The following KATNIP variants were observed in gnomAD, a reference collection of about 807,000 sequenced individuals.
KATNIP encodes katanin-interacting protein.
A neutral mutation model predicts 174.0 loss-of-function variants in KATNIP; 126 were observed. The observed-to-expected ratio is 0.72, with a 90% confidence interval of 0.63 to 0.84. The LOEUF (loss-of-function observed/expected upper bound fraction) is 0.84. Among genes scored for constraint, KATNIP ranks in the 40% least tolerant of loss-of-function variants. The pLI, the probability that KATNIP is intolerant of heterozygous loss-of-function variation, is 0.00. For synonymous variants in KATNIP, 810 were observed against 835.7 expected (o/e 0.97, Z 0.53); for missense variants, 1,958 against 2,109.7 (o/e 0.93, Z 1.41).
At chr16:27,682,401 C>T (rs964742951) in intron 8 of KATNIP, among the ~76,000 whole-genome samples, 5 of 152,168 alleles carry the variant, frequency 3.3e-5, no homozygotes, top group African/African-American at 1.2e-4. Context: ...GGCTTTGTAG[C>T]AGGGGCTACC....
intron 10 of KATNIP, among the ~76,000 whole-genome samples, chr16:27,701,127 G>C (rs2079084006): frequency 6.6e-6 from 1 of 152,144 alleles, no homozygotes; most frequent in Non-Finnish European, 1.5e-5. Context: ...AAGCAGAACA[G>C]GGGCTTGGTT....
At chr16:27,752,552 A>T (rs1240444459) in intron 17 of KATNIP, among the ~76,000 whole-genome samples, 3 of 152,098 alleles carry the variant, frequency 2.0e-5, no homozygotes, top group Non-Finnish European at 2.9e-5. Flanking sequence ...GCAACTTATT[A>T]TTTTTTTATT....
intron 15 of KATNIP, among the ~76,000 whole-genome samples, chr16:27,743,740 A>C (rs1262531540): frequency 6.6e-6 from 1 of 152,212 alleles, no homozygotes; most frequent in Non-Finnish European, 1.5e-5. Context: ...TTTTCAGGTC[A>C]CATAGACAGT....
At chr16:27,726,817 G>A (rs1448367520) in intron 14 of KATNIP, among the ~76,000 whole-genome samples, 1 of 152,198 alleles carries the variant, frequency 6.6e-6, no homozygotes, top group Non-Finnish European at 1.5e-5. Context: ...AGGAGCAAAG[G>A]CCCTGCGGCA....
At chr16:27,756,995 T>C (rs1210326828) in intron 18 of KATNIP, among the ~76,000 whole-genome samples, 3 of 152,210 alleles carry the variant, frequency 2.0e-5, no homozygotes, top group African/African-American at 7.2e-5. Context: ...TTTTCCTGAA[T>C]CCCAATAGTT....
rs1199438923 is a variant in KATNIP, at chr16:27,740,920, G to A, written c.2623G>A (p.Glu875Lys). 3 of 1,588,476 alleles carry A rather than the reference G, an allele frequency of 1.9e-6. No homozygotes were observed. Among genetic ancestry groups the A allele is most frequent in the Non-Finnish European group, 2.6e-6 (3 of 1,167,814 alleles). ...SHGDDQPASR[E>K]DTWSSRTPSR... ...TGGGGACGACCAGCCAGCCAGCAGA[G>A]GTAAGCTCCAAAGAGCAGCCCGACT... Residue 875 changes from glutamate to lysine, a missense_variant and splice_region_variant, in exon 15 of 28, where the codon GAA becomes AAA. Glu to Lys is a moderately conservative substitution (Grantham distance 56). Coordinates refer to ENST00000261588, the MANE Select transcript of KATNIP (RefSeq NM_015202.5).
At chr16:27,761,706 C>T in intron 19 of KATNIP, 116 bp downstream of exon 19, 1 of 933,042 alleles carries the variant, frequency 1.1e-6, no homozygotes, top group Non-Finnish European at 1.7e-6. Context: ...CTCCCCTGGC[C>T]ACCCTGTGAG....
At chr16:27,713,356 G>T (rs946752647) in intron 13 of KATNIP, among the ~76,000 whole-genome samples, 1 of 151,956 alleles carries the variant, frequency 6.6e-6, no homozygotes, top group Non-Finnish European at 1.5e-5. Context: ...GGATTGATAC[G>T]GTTTGACTGT....
Position 27,618,472 on chromosome 16 carries a change from G to A in KATNIP, c.111G>A (p.Glu37=). Residue 37 remains glutamate (E), a synonymous_variant, in exon 3 of 28, where the codon GAG becomes GAA. Coordinates refer to ENST00000261588, the MANE Select transcript of KATNIP (RefSeq NM_015202.5). ...CAGACTTTGATGAGAAACATGATGA[G>A]TATTTAATATTGCTTCAGCAGAGGA... ...MVTDFDEKHD[E]YLILLQQRNR... is the part of the protein sequence containing the mutation. 6.2e-7 allele frequency: 1 copy of A among 1,612,748 alleles called. No individual in the cohort carries two copies. Among genetic ancestry groups the A allele is most frequent in the Non-Finnish European group, 8.5e-7 (1 of 1,179,130 alleles).
intron 5 of KATNIP, among the ~76,000 whole-genome samples, chr16:27,638,540 G>A (rs1434048998): frequency 6.6e-6 from 1 of 152,154 alleles, no homozygotes; most frequent in East Asian, 1.9e-4. Flanking sequence ...AGTGGTCAAG[G>A]CAGCCAAGTC....
At chr16:27,638,246 A>G (rs1439431594) in intron 5 of KATNIP, among the ~76,000 whole-genome samples, 2 of 152,178 alleles carry the variant, frequency 1.3e-5, no homozygotes, top group African/African-American at 4.8e-5. Context: ...CCCTGGCCAC[A>G]TGAGCAGGAA....
intron 6 of KATNIP, among the ~76,000 whole-genome samples, chr16:27,665,987 A>C (rs995688397): frequency 6.6e-6 from 1 of 152,162 alleles, no homozygotes; most frequent in African/African-American, 2.4e-5. Flanking sequence ...GGAATTCCTG[A>C]AATTTTCTAG....
chr16:27,704,127 C>G (rs1027488351), intron 12 of KATNIP, 129 bp downstream of exon 12: 5 of 696,004 alleles, frequency 7.2e-6, no homozygotes, highest in East Asian at 5.5e-5. Context: ...CCACCGCCCC[C>G]CCCCTCCCTG....
intron 13 of KATNIP, among the ~76,000 whole-genome samples, chr16:27,712,138 G>A (rs188732152): frequency 1.3e-5 from 2 of 152,324 alleles, no homozygotes; most frequent in African/African-American, 4.8e-5. Flanking sequence ...CAGAGACTGG[G>A]GCGCTTTGCC....
At chr16:27,767,721 A>G (rs1355039203) in intron 20 of KATNIP, among the ~76,000 whole-genome samples, 2 of 152,138 alleles carry the variant, frequency 1.3e-5, no homozygotes, top group East Asian at 3.9e-4. Context: ...AAAGAAAGAA[A>G]AATGAAAAAA....
At chr16:27,598,775 A>G (rs1044365762) in intron 2 of KATNIP, among the ~76,000 whole-genome samples, 1 of 152,164 alleles carries the variant, frequency 6.6e-6, no homozygotes, top group Non-Finnish European at 1.5e-5. Flanking sequence ...ATATACATGC[A>G]GGGGTTTATT....
chr16:27,690,363 T>TAGATGATAGATAGATA (rs397837255), intron 8 of KATNIP, among the ~76,000 whole-genome samples: 7 of 90,982 alleles, frequency 7.7e-5, no homozygotes. Context: ...GATAGATAGA[T>TAGATGATAGATAGATA]GATAGATAGA....
intron 6 of KATNIP, among the ~76,000 whole-genome samples, chr16:27,662,164 G>A (rs1223785958): frequency 6.9e-6 from 1 of 145,750 alleles, no homozygotes; most frequent in African/African-American, 2.6e-5. Context: ...GAACTCCTGA[G>A]CTCAAGCAGT....
chr16:27,605,808 A>G (rs2075682867), intron 2 of KATNIP, among the ~76,000 whole-genome samples: 1 of 152,160 alleles, frequency 6.6e-6, no homozygotes, highest in South Asian at 2.1e-4. Context: ...GGATGGGAAT[A>G]TAACTGATGT....
Sources: allele counts gnomAD v4.1 joint callset (sites outside exome capture counted in the v4.1 genomes callset), GRCh38; gene constraint gnomAD v4.1.1; transcripts MANE v1.5; gene names NCBI Gene and HGNC (gene_info 2026-07-23, HGNC 2026-07-21).